Variants in ZMAT4 observed in about 807,000 individuals in gnomAD.
ZMAT4 encodes the protein zinc finger matrin-type protein 4.
Under a neutral mutation model 28.7 loss-of-function variants are expected in ZMAT4, and 17 were observed. The observed-to-expected ratio is 0.59, with a 90% CI of 0.41 to 0.89. ZMAT4 has a LOEUF of 0.89. Ranked by LOEUF, ZMAT4 falls within the 40% of genes least tolerant of loss-of-function variation. The pLI is 0.00. For missense variants in ZMAT4, 240 were observed against 283.8 expected (o/e 0.85, Z 1.11); for synonymous variants, 117 against 109.2 (o/e 1.07, Z -0.44).
At chr8:40,617,876 C>G (rs1353103652) in intron 5 of ZMAT4, among the ~76,000 whole-genome samples, 2 of 152,200 alleles carry the variant, frequency 1.3e-5, no homozygotes, top group Non-Finnish European at 2.9e-5. Flanking sequence ...AAGATACATG[C>G]AATGTTTTGC....
At chr8:40,537,794 C>T (rs1585655940) in intron 6 of ZMAT4, among the ~76,000 whole-genome samples, 1 of 152,264 alleles carries the variant, frequency 6.6e-6, no homozygotes, top group East Asian at 1.9e-4. Flanking sequence ...AGGAAACTTG[C>T]TAGAACTCCT....
intron 3 of ZMAT4, among the ~76,000 whole-genome samples, chr8:40,697,728 C>T (rs918236331): frequency 1.4e-5 from 2 of 141,180 alleles, no homozygotes; most frequent in African/African-American, 2.6e-5. Context: ...ACCCCCTGAC[C>T]GGCCCCGGTG....
intron 3 of ZMAT4, among the ~76,000 whole-genome samples, chr8:40,726,234 T>C (rs926700342): frequency 7.9e-5 from 12 of 152,228 alleles, no homozygotes; most frequent in Non-Finnish European, 1.6e-4. Flanking sequence ...TGCCTTTTAT[T>C]TGGTCAAAGA....
At chr8:40,813,839 C>A (rs1815425537) in intron 2 of ZMAT4, among the ~76,000 whole-genome samples, 1 of 152,144 alleles carries the variant, frequency 6.6e-6, no homozygotes, top group African/African-American at 2.4e-5. Flanking sequence ...CATAGCCAGG[C>A]CTGTAGAGAG....
intron 1 of ZMAT4, among the ~76,000 whole-genome samples, chr8:40,838,245 G>A (rs2045074654): frequency 1.3e-5 from 2 of 152,262 alleles, no homozygotes; most frequent in Admixed American, 6.5e-5. Flanking sequence ...TCCAGGAAAT[G>A]AGACTGCATT....
At chr8:40,592,378 A>G (rs1185987237) in intron 5 of ZMAT4, among the ~76,000 whole-genome samples, 2 of 152,224 alleles carry the variant, frequency 1.3e-5, no homozygotes, top group South Asian at 2.1e-4. Context: ...CTATTACTCC[A>G]TACTACCGTC....
chr8:40,810,116 ATGTGTATATGTATGTAT>A (rs1434117237), intron 2 of ZMAT4, among the ~76,000 whole-genome samples: 4 of 152,154 alleles, frequency 2.6e-5, no homozygotes, highest in Admixed American at 2.6e-4. Context: ...ATACATATAT[ATGTGTATATGTATGTAT>A]ATAATATATA....
At position 40,770,235 on chromosome 8, in the gene ZMAT4, C is replaced by T. The variant is rs531331898; in HGVS notation, c.103-2505G>A. On this transcript the variant is annotated intron_variant, in intron 2 of 6. Coordinates refer to ENST00000297737, the MANE Select transcript of ZMAT4 (RefSeq NM_024645.3). ...TTTGCTTTCCCCAAGGTGCCTGGAC[C>T]AGATTCACTGCTTTCCCTGCCCACA... 3.6e-4 allele frequency among the ~76,000 whole-genome samples: 55 copies of T among 152,294 alleles called. 1 individual carries two copies. In the East Asian group the frequency reaches 0.01, roughly 28 times the overall value.
chr8:40,677,077 C>T (rs1365250120), intron 4 of ZMAT4, among the ~76,000 whole-genome samples: 1 of 152,092 alleles, frequency 6.6e-6, no homozygotes, highest in African/African-American at 2.4e-5. Context: ...AATGTTGACT[C>T]TTGAAGCATA....
chr8:40,554,445 A>G (rs1803464306), intron 6 of ZMAT4, among the ~76,000 whole-genome samples: 1 of 152,272 alleles, frequency 6.6e-6, no homozygotes, highest in Admixed American at 6.5e-5. Flanking sequence ...CGAAAAAACT[A>G]GATATAAACT....
chr8:40,620,686 G>T (rs552533876), intron 5 of ZMAT4, among the ~76,000 whole-genome samples: 1 of 152,270 alleles, frequency 6.6e-6, no homozygotes, highest in Non-Finnish European at 1.5e-5. Context: ...TCTTGATCAG[G>T]TCATTTGGTT....
intron 4 of ZMAT4, among the ~76,000 whole-genome samples, chr8:40,684,552 C>G (rs373106246): frequency 1.1e-4 from 16 of 152,300 alleles, no homozygotes; most frequent in Middle Eastern, 3.4e-3. Context: ...TTAATTCTAC[C>G]AGTCTTCCCC....
chr8:40,811,910 C>G (rs1485947373), intron 2 of ZMAT4, among the ~76,000 whole-genome samples: 1 of 152,124 alleles, frequency 6.6e-6, no homozygotes, highest in Non-Finnish European at 1.5e-5. Context: ...CTGGGCAGAT[C>G]ACCTGAGGTC....
intron 3 of ZMAT4, among the ~76,000 whole-genome samples, chr8:40,742,001 G>A (rs1812023282): frequency 6.6e-6 from 1 of 152,180 alleles, no homozygotes; most frequent in East Asian, 1.9e-4. Context: ...TACTTTGAGA[G>A]GCTGAGGCGG....
At position 40,834,276 on chromosome 8, in the gene ZMAT4, G is replaced by A. The variant is rs1003941673; in HGVS notation, c.-4-8596C>T. Among the ~76,000 whole-genome samples the A allele has an allele frequency of 3.3e-5, 5 of 152,076 alleles. No homozygotes were observed. The South Asian group carries it at 6.2e-4, about 19-fold the overall frequency. On this transcript the variant is annotated intron_variant, in intron 1 of 6. Coordinates refer to ENST00000297737, the MANE Select transcript of ZMAT4 (RefSeq NM_024645.3). Reference sequence around the variant, plus strand: ...CGGTTCTCTGGTCCAACCTCCAAGGGCAGGCACATGCAACTGATTCTTTGC... The same window carrying A: ...CGGTTCTCTGGTCCAACCTCCAAGGACAGGCACATGCAACTGATTCTTTGC...
intron 1 of ZMAT4, among the ~76,000 whole-genome samples, chr8:40,836,390 C>T (rs1056993317): frequency 6.6e-6 from 1 of 152,152 alleles, no homozygotes; most frequent in African/African-American, 2.4e-5. Flanking sequence ...AACAACCCAG[C>T]AACTGCACTC....
intron 2 of ZMAT4, among the ~76,000 whole-genome samples, chr8:40,777,725 G>A (rs975729959): frequency 7.2e-5 from 11 of 152,124 alleles, no homozygotes; most frequent in African/African-American, 1.2e-4. Context: ...AAAAAACAAC[G>A]GACAAGTGTC....
chr8:40,738,632 C>A (rs1259530158), intron 3 of ZMAT4, among the ~76,000 whole-genome samples: 1 of 152,212 alleles, frequency 6.6e-6, no homozygotes, highest in Admixed American at 6.5e-5. Flanking sequence ...ATAGCCTCCA[C>A]TCCTACAGAT....
chr8:40,878,323 G>A (rs76270520), intron 1 of ZMAT4, among the ~76,000 whole-genome samples: 1 of 152,108 alleles, frequency 6.6e-6, no homozygotes, highest in Admixed American at 6.5e-5. Flanking sequence ...ACAGATGATG[G>A]TGTTAAGAAT....
Sources: allele counts gnomAD v4.1 joint callset (sites outside exome capture counted in the v4.1 genomes callset), GRCh38; gene constraint gnomAD v4.1.1; transcripts MANE v1.5; gene names NCBI Gene and HGNC (gene_info 2026-07-23, HGNC 2026-07-21).